Variants in PGGT1B observed in about 807,000 individuals in gnomAD.
PGGT1B encodes the protein protein geranylgeranyltransferase type I subunit beta.
In PGGT1B, 30 loss-of-function variants were observed where a neutral mutation model predicts 46.1. That is an observed-to-expected ratio of 0.65 (90% CI 0.49 to 0.88). The LOEUF (loss-of-function observed/expected upper bound fraction) is 0.88. Among genes scored for constraint, PGGT1B ranks in the 40% least tolerant of loss-of-function variants. PGGT1B has a pLI of 0.00. For synonymous variants in PGGT1B, 170 were observed against 160.0 expected (o/e 1.06, Z -0.47); for missense variants, 376 against 455.9 (o/e 0.82, Z 1.60).
At chr5:115,213,426 A>T (rs1756303058) in intron 8 of PGGT1B, among the ~76,000 whole-genome samples, 1 of 152,080 alleles carries the variant, frequency 6.6e-6, no homozygotes, top group Non-Finnish European at 1.5e-5. Flanking sequence ...ACCAGTCAAA[A>T]TTTTTTTCTA....
At chr5:115,259,418 G>C (rs1000035071) in intron 1 of PGGT1B, among the ~76,000 whole-genome samples, 2 of 152,118 alleles carry the variant, frequency 1.3e-5, no homozygotes, top group African/African-American at 2.4e-5. Flanking sequence ...GGCCGGGCAC[G>C]GTGGCTCACG....
At chr5:115,218,951 A>C (rs1756507042) in intron 7 of PGGT1B, among the ~76,000 whole-genome samples, 1 of 151,936 alleles carries the variant, frequency 6.6e-6, no homozygotes. Context: ...AAGAAATTGA[A>C]GACCACCTAT....
chr5:115,259,653 C>G (rs958671836), intron 1 of PGGT1B, among the ~76,000 whole-genome samples: 1 of 135,644 alleles, frequency 7.4e-6, no homozygotes, highest in Non-Finnish European at 1.5e-5. Flanking sequence ...GGTGCCACCG[C>G]ACTCCAGCCT....
rs1453282983 is a variant in PGGT1B at position 115,257,527 on chromosome 5, T to A, written c.141-4272A>T. The stretch of plus-strand genomic sequence containing the variant: ...CCTGGGCAACAATAGCAAAACTCCA[T>A]CTCAAAAAAAAAAAAAAAAAAAAAG... On this transcript the variant is annotated intron_variant, in intron 1 of 8. Coordinates refer to ENST00000419445, the MANE Select transcript of PGGT1B (RefSeq NM_005023.4). Among the ~76,000 whole-genome samples the A allele has an allele frequency of 1.1e-4, 5 of 45,406 alleles. No homozygotes were observed. In the Admixed American group the frequency reaches 1.2e-3, roughly 11 times the overall value. The allele number at this position is 45,406 out of a possible 152,430, so 29.8% of individuals were successfully genotyped here.
intron 1 of PGGT1B, among the ~76,000 whole-genome samples, chr5:115,253,474 T>C (rs905996603): frequency 6.6e-6 from 1 of 151,876 alleles, no homozygotes; most frequent in Non-Finnish European, 1.5e-5. Context: ...CATTTGGGGG[T>C]TAAGAAACCA....
At chr5:115,261,337 C>T (rs1023299439) in intron 1 of PGGT1B, among the ~76,000 whole-genome samples, 2 of 152,158 alleles carry the variant, frequency 1.3e-5, no homozygotes, top group African/African-American at 4.8e-5. Context: ...TCCTTCAGGG[C>T]TCAGCTCACA....
At chr5:115,248,450 A>T (rs1184581145) in intron 2 of PGGT1B, among the ~76,000 whole-genome samples, 1 of 152,176 alleles carries the variant, frequency 6.6e-6, no homozygotes, top group African/African-American at 2.4e-5. Flanking sequence ...ACTCTGTTCT[A>T]AGTCTAAAAT....
chr5:115,226,076 T>A (rs1756771955), intron 6 of PGGT1B, among the ~76,000 whole-genome samples: 1 of 119,556 alleles, frequency 8.4e-6, no homozygotes, highest in Non-Finnish European at 1.7e-5. Context: ...GAATCCTGAG[T>A]TGGCGGGGGT....
intron 8 of PGGT1B, among the ~76,000 whole-genome samples, chr5:115,213,570 G>A (rs927459710): frequency 3.9e-5 from 6 of 152,076 alleles, no homozygotes; most frequent in African/African-American, 1.4e-4. Flanking sequence ...ACAGGAGTTC[G>A]ATACCAGCCT....
Position 115,212,502 on chromosome 5 carries a change from T to C in PGGT1B, c.1034A>G (p.Asn345Ser), listed in dbSNP as rs542159719. ...SGICKVHPAL[N>S]VSTRTSERLL... Reference sequence around the variant, plus strand: ...GCGTTCAGAAGTCCGTGTGCTTACATTCAGAGCAGGATGAACTTTACAAAT... The same window carrying C: ...GCGTTCAGAAGTCCGTGTGCTTACACTCAGAGCAGGATGAACTTTACAAAT... Residue 345 changes from asparagine to serine, a missense_variant, in exon 9 of 9, where the codon AAT becomes AGT. Around this residue, in one of 2 missense-constraint regions of PGGT1B, gnomAD observed 222 missense variants for 313.6 expected, o/e 0.71. Transcript: ENST00000419445. 2.5e-6 allele frequency: 4 copies of C among 1,613,628 alleles called. No homozygotes were observed. The East Asian group carries it at 8.9e-5, about 36-fold the overall frequency.
chr5:115,243,822 C>A (rs1757421718), intron 2 of PGGT1B, among the ~76,000 whole-genome samples: 1 of 152,108 alleles, frequency 6.6e-6, no homozygotes, highest in Admixed American at 6.5e-5. Flanking sequence ...TGGTAGGTAT[C>A]CCTTTTTGCT....
chr5:115,222,431 G>C (rs169088), intron 6 of PGGT1B, among the ~76,000 whole-genome samples: 110,264 of 152,020 alleles, frequency 0.73, 41,303 homozygotes, highest in African/African-American at 0.93. Flanking sequence ...TCACAAATAA[G>C]ATAAACAAGT....
chr5:115,246,476 T>C (rs1747840692), intron 2 of PGGT1B, among the ~76,000 whole-genome samples: 1 of 152,206 alleles, frequency 6.6e-6, no homozygotes, highest in Non-Finnish European at 1.5e-5. Context: ...TACCTTTTCA[T>C]GATAATTAAG....
At position 115,212,254 on chromosome 5, in the gene PGGT1B, T is replaced by C. The variant is rs1580739210; in HGVS notation, c.*148A>G. ...GAAACCCAGTATAAAGATTACTGGC[T>C]CAAGACCATATCCCAAAGTGAAATC... On this transcript the variant is annotated 3_prime_UTR_variant, in exon 9 of 9. Coordinates refer to ENST00000419445, the MANE Select transcript of PGGT1B (RefSeq NM_005023.4). 1 of 1,432,978 alleles carries C rather than the reference T, an allele frequency of 7.0e-7. No homozygotes were observed. Among genetic ancestry groups the C allele is most frequent in the Non-Finnish European group, 9.2e-7 (1 of 1,082,466 alleles). 88.8% of individuals were successfully genotyped at this position (1,432,978 alleles called of 1,614,324 possible).
At chr5:115,225,791 G>A (rs140578462) in intron 6 of PGGT1B, among the ~76,000 whole-genome samples, 3,216 of 151,746 alleles carry the variant, frequency 0.021, 133 homozygotes, top group African/African-American at 0.074. Context: ...GATTACAGGT[G>A]TGTGCCACCA....
At chr5:115,230,132 G>A (rs956616043) in intron 6 of PGGT1B, among the ~76,000 whole-genome samples, 2 of 152,014 alleles carry the variant, frequency 1.3e-5, no homozygotes, top group Non-Finnish European at 1.5e-5. Context: ...AAAGAAAGAT[G>A]GAATTCTTTC....
At position 115,234,442 on chromosome 5, in the gene PGGT1B, T is replaced by G. The variant is rs138660674; in HGVS notation, c.612+1948A>C. On this transcript the variant is annotated intron_variant, in intron 5 of 8. Coordinates refer to ENST00000419445, the MANE Select transcript of PGGT1B (RefSeq NM_005023.4). Reference sequence around the variant, plus strand: ...TCACACTTCTCTGTATATATCTTTTTGTATAGTTCTGACCTTAAGAACCAA... The same window carrying G: ...TCACACTTCTCTGTATATATCTTTTGGTATAGTTCTGACCTTAAGAACCAA... Among the ~76,000 whole-genome samples, 970 of 152,090 alleles carry G rather than the reference T, an allele frequency of 6.4e-3. 11 individuals carry two copies. The highest frequency in any genetic ancestry group is 0.022 in the African/African-American group (909 of 41,522).
rs1748597689 is a variant in PGGT1B at position 115,262,356 on chromosome 5, T to C, written c.140+356A>G. On this transcript the variant is annotated intron_variant, in intron 1 of 8. Coordinates refer to ENST00000419445, the MANE Select transcript of PGGT1B (RefSeq NM_005023.4). ...TAGAGAGGACAAGGATGCACAGAAG[T>C]ATTCATCTAAAAATACGACGACAAA... 1.5e-5 allele frequency: 4 copies of C among 267,670 alleles called. No individual in the cohort carries two copies. The South Asian group carries it at 1.8e-4, about 12-fold the overall frequency. 16.6% of individuals were successfully genotyped at this position (267,670 alleles called of 1,614,324 possible).
chr5:115,231,343 C>A (rs188645955), intron 5 of PGGT1B, among the ~76,000 whole-genome samples: 13 of 152,046 alleles, frequency 8.6e-5, no homozygotes, highest in Admixed American at 8.5e-4. Context: ...TGCAAGTATA[C>A]GTGAGCTGGA....
Sources: allele counts gnomAD v4.1 joint callset (sites outside exome capture counted in the v4.1 genomes callset), GRCh38; gene constraint gnomAD v4.1.1; regional missense constraint gnomAD v4.1.1; transcripts MANE v1.5; gene names NCBI Gene and HGNC (gene_info 2026-07-23, HGNC 2026-07-21).